Variants in TXNDC12 observed in about 807,000 individuals in gnomAD.
TXNDC12 encodes thioredoxin domain-containing protein 12.
TXNDC12 carries 22 observed loss-of-function variants against 24.2 expected under a neutral mutation model. The ratio of observed to expected loss-of-function variants is 0.91; its 90% CI spans 0.65 to 1.30. The LOEUF (loss-of-function observed/expected upper bound fraction) is 1.30. TXNDC12 is among the 50% of genes most tolerant of loss of function. The pLI is 0.00. For missense variants in TXNDC12, 184 were observed against 205.8 expected, an observed-to-expected ratio of 0.89 and a Z score of 0.65; for synonymous variants, 58 against 73.4, an observed-to-expected ratio of 0.79 and a Z score of 1.07.
upstream of TXNDC12, chr1:52,055,999 A>G (rs1249503947): frequency 6.6e-6 from 1 of 152,222 alleles, no homozygotes; most frequent in Non-Finnish European, 1.5e-5. Flanking sequence ...TAAAGTCCGT[A>G]CTTAATGCAT....
Position 52,020,921 on chromosome 1 carries a change from G to A in TXNDC12, c.*12C>T. On this transcript the variant is annotated 3_prime_UTR_variant, in exon 7 of 7. Coordinates refer to ENST00000371626, the MANE Select transcript of TXNDC12 (RefSeq NM_015913.4). Reference sequence around the variant, plus strand: ...GAACACTAACTCTGATGAAAGAAGGGGCACATTCATGTTACAATTCATCTT... The same window carrying A: ...GAACACTAACTCTGATGAAAGAAGGAGCACATTCATGTTACAATTCATCTT... 6.2e-7 allele frequency: 1 copy of A among 1,606,162 alleles called. No homozygotes were observed. Among genetic ancestry groups the A allele is most frequent in the East Asian group, 2.2e-5 (1 of 44,846 alleles).
intron 2 of TXNDC12, among the ~76,000 whole-genome samples, chr1:52,039,749 A>G (rs1685951930): frequency 6.6e-6 from 1 of 152,198 alleles, no homozygotes; most frequent in African/African-American, 2.4e-5. Flanking sequence ...TCACCTCCAT[A>G]GCAACAGGAG....
chr1:52,055,315 G>A (rs545761092), upstream of TXNDC12: 25 of 523,632 alleles, frequency 4.8e-5, no homozygotes, highest in African/African-American at 4.0e-4. Context: ...CACGTAGAAG[G>A]GTACGAGAGC....
intron 1 of TXNDC12, among the ~76,000 whole-genome samples, chr1:52,046,545 C>A (rs1686092742): frequency 6.6e-6 from 1 of 152,050 alleles, no homozygotes; most frequent in Non-Finnish European, 1.5e-5. Context: ...CAAGACAGTC[C>A]AAGGAGAAAA....
At chr1:52,046,864 A>ATATATATAT (rs1553236777) in intron 1 of TXNDC12, among the ~76,000 whole-genome samples, 58 of 34,148 alleles carry the variant, frequency 1.7e-3, no homozygotes, top group African/African-American at 4.2e-3. Context: ...AAAAAAAAAA[A>ATATATATAT]AAATATATAT....
At chr1:52,033,013 T>C (rs1417653463) in intron 2 of TXNDC12, 5 of 1,561,774 alleles carry the variant, frequency 3.2e-6, no homozygotes, top group African/African-American at 1.4e-5. Context: ...GGCCCGGTTC[T>C]CAAACAGGGC....
At chr1:52,035,698 G>C (rs556653936) in intron 2 of TXNDC12, among the ~76,000 whole-genome samples, 17 of 152,194 alleles carry the variant, frequency 1.1e-4, no homozygotes, top group African/African-American at 4.1e-4. Context: ...GGCAATAAGA[G>C]CGAAACTCTG....
intron 2 of TXNDC12, among the ~76,000 whole-genome samples, chr1:52,038,891 TTTTC>T (rs1685933244): frequency 1.6e-5 from 2 of 123,190 alleles, no homozygotes; most frequent in Admixed American, 1.0e-4. Context: ...TTTCTTTTTT[TTTTC>T]TTTTTCTGTT....
At chr1:52,052,193 C>T (rs1019810919) in intron 1 of TXNDC12, among the ~76,000 whole-genome samples, 1 of 152,168 alleles carries the variant, frequency 6.6e-6, no homozygotes, top group African/African-American at 2.4e-5. Flanking sequence ...TGGTATCTTA[C>T]CAGACTGCAA....
intron 1 of TXNDC12, among the ~76,000 whole-genome samples, chr1:52,047,446 T>C (rs1252443004): frequency 1.3e-5 from 2 of 151,540 alleles, no homozygotes; most frequent in African/African-American, 4.9e-5. Context: ...TCAGAGAAAA[T>C]AAAAAGGATA....
intron 3 of TXNDC12, 90 bp downstream of exon 3, chr1:52,028,488 G>T: frequency 9.9e-7 from 1 of 1,007,600 alleles, no homozygotes; most frequent in Non-Finnish European, 1.5e-6. Flanking sequence ...AGTCAGTAGT[G>T]CTGGGCCAGA....
chr1:52,031,405 G>T lies in TXNDC12; in HGVS notation c.159-2775C>A, dbSNP rs35120342. ...GAACACCTGACCTTGTGATCCACCCGCCTTGGGCTCCTGAAGTGCTGGGGT... is the reference window on the plus strand; with the variant it reads ...GAACACCTGACCTTGTGATCCACCCTCCTTGGGCTCCTGAAGTGCTGGGGT... On this transcript the variant is annotated intron_variant, in intron 2 of 6. Transcript: ENST00000371626. Among the ~76,000 whole-genome samples, 1,534 of 151,990 alleles carry T rather than the reference G, an allele frequency of 0.01. 79 individuals are homozygous for T. The East Asian group carries it at 0.13, about 13-fold the overall frequency.
At chr1:52,046,546 A>G (rs1572010579) in intron 1 of TXNDC12, among the ~76,000 whole-genome samples, 1 of 152,284 alleles carries the variant, frequency 6.6e-6, no homozygotes, top group East Asian at 1.9e-4. Flanking sequence ...AAGACAGTCC[A>G]AGGAGAAAAA....
chr1:52,027,049 T>A (rs1006484240), intron 4 of TXNDC12, among the ~76,000 whole-genome samples: 2 of 151,226 alleles, frequency 1.3e-5, no homozygotes, highest in Non-Finnish European at 3.0e-5. Context: ...AAAAAAAAAA[T>A]TTAGTCATCT....
intron 1 of TXNDC12, among the ~76,000 whole-genome samples, chr1:52,047,240 T>A (rs527338830): frequency 5.3e-4 from 81 of 152,104 alleles, no homozygotes; most frequent in Non-Finnish European, 1.0e-3. Context: ...GTTTATCAGG[T>A]AACAACAGGA....
At chr1:52,048,548 G>A (rs1423309343) in intron 1 of TXNDC12, among the ~76,000 whole-genome samples, 1 of 151,128 alleles carries the variant, frequency 6.6e-6, no homozygotes, top group East Asian at 1.9e-4. Context: ...ATAGAGTCAA[G>A]GAAGCTAGAT....
At chr1:52,046,613 C>G (rs1436602388) in intron 1 of TXNDC12, among the ~76,000 whole-genome samples, 2 of 151,990 alleles carry the variant, frequency 1.3e-5, no homozygotes, top group African/African-American at 4.8e-5. Context: ...TCGTGGCTCA[C>G]GCCTGTAATC....
At chr1:52,046,866 A>AAAATATATATATATATATAT (rs1229275355) in intron 1 of TXNDC12, among the ~76,000 whole-genome samples, 1 of 30,172 alleles carries the variant, frequency 3.3e-5, no homozygotes, top group African/African-American at 5.4e-5. Flanking sequence ...AAAAAAAAAA[A>AAAATATATATATATATATAT]ATATATATAT....
intron 1 of TXNDC12, among the ~76,000 whole-genome samples, chr1:52,046,866 A>ATAT (rs1553236788): frequency 2.7e-4 from 8 of 30,168 alleles, no homozygotes; most frequent in Middle Eastern, 0.02. Flanking sequence ...AAAAAAAAAA[A>ATAT]ATATATATAT....
Sources: allele counts gnomAD v4.1 joint callset (sites outside exome capture counted in the v4.1 genomes callset), GRCh38; gene constraint gnomAD v4.1.1; transcripts MANE v1.5; gene names NCBI Gene and HGNC (gene_info 2026-07-23, HGNC 2026-07-21).